OR7E24: variants seen among roughly 807,000 people sequenced by gnomAD.
OR7E24 encodes olfactory receptor family 7 subfamily E member 24.
For missense variants in OR7E24, 385 were observed against 410.3 expected, an observed-to-expected ratio of 0.94 and a Z score of 0.53; for synonymous variants, 130 against 157.5, an observed-to-expected ratio of 0.83 and a Z score of 1.31.
chr19:9,231,254 A>G, the OR7E24 span, among the ~76,000 whole-genome samples: 1 of 151,850 alleles, frequency 6.6e-6, no homozygotes, highest in Non-Finnish European at 1.5e-5. Flanking sequence ...AATATGGACT[A>G]TGCTGTTGGC....
the OR7E24 span, chr19:9,235,134 C>A: frequency 2.0e-6 from 2 of 984,716 alleles, no homozygotes; most frequent in Non-Finnish European, 3.1e-6. Flanking sequence ...CCAGTAGACA[C>A]AACAGCTACA....
chr19:9,237,503 G>T, the OR7E24 span, among the ~76,000 whole-genome samples: 3 of 151,732 alleles, frequency 2.0e-5, no homozygotes, highest in African/African-American at 7.3e-5. Flanking sequence ...TTTTAGTAGA[G>T]ACGGGGTTTC....
upstream of OR7E24, chr19:9,247,512 A>T (rs1568335296): frequency 2.5e-6 from 1 of 398,634 alleles, no homozygotes; most frequent in Non-Finnish European, 4.4e-6. Flanking sequence ...GGGGAAGCGC[A>T]GCTCAGTGAG....
chr19:9,235,142 A>G, the OR7E24 span: 4 of 1,044,848 alleles, frequency 3.8e-6, no homozygotes, highest in Non-Finnish European at 5.7e-6. Flanking sequence ...CACAACAGCT[A>G]CATGGAAGCA....
chr19:9,241,888 T>C, the OR7E24 span, among the ~76,000 whole-genome samples: 2 of 152,220 alleles, frequency 1.3e-5, no homozygotes, highest in African/African-American at 4.8e-5. Context: ...TTGCTACATG[T>C]TTTTACTTTA....
chr19:9,214,351 T>C, the OR7E24 span: 2 of 1,613,992 alleles, frequency 1.2e-6, no homozygotes, highest in South Asian at 2.2e-5. Context: ...AACCTCTTCA[T>C]CAGTAGAATA....
chr19:9,227,584 TC>T, the OR7E24 span, among the ~76,000 whole-genome samples: 2 of 152,108 alleles, frequency 1.3e-5, no homozygotes, highest in Non-Finnish European at 2.9e-5. Context: ...TACCACATTT[TC>T]TTTATCCAGT....
At chr19:9,233,938 C>G in the OR7E24 span, among the ~76,000 whole-genome samples, 1 of 149,888 alleles carries the variant, frequency 6.7e-6, no homozygotes, top group East Asian at 2.0e-4. Context: ...GAGTCTCACT[C>G]TGTCACCCAG....
At chr19:9,214,851 C>T in the OR7E24 span, 1 of 1,555,096 alleles carries the variant, frequency 6.4e-7, no homozygotes, top group Non-Finnish European at 8.7e-7. Flanking sequence ...GCTGTTGTGT[C>T]TGCTGGGGAA....
chr19:9,232,942 C>G, the OR7E24 span, among the ~76,000 whole-genome samples: 2 of 152,178 alleles, frequency 1.3e-5, no homozygotes, highest in East Asian at 1.9e-4. Context: ...ATGAGATGCA[C>G]TCATGTAGAA....
chr19:9,236,113 TATGGGTCCCTTAAGCAA>T, the OR7E24 span: 1 of 1,149,680 alleles, frequency 8.7e-7, no homozygotes, highest in Non-Finnish European at 1.3e-6. Context: ...AAGAGGATGC[TATGGGTCCCTTAAGCAA>T]ATGTGAATGC....
chr19:9,212,257 T>C, the OR7E24 span: 3 of 152,202 alleles, frequency 2.0e-5, no homozygotes, highest in Non-Finnish European at 4.4e-5. Context: ...TTTTATGTTT[T>C]AGACAGAGTC....
At chr19:9,214,240 A>G in the OR7E24 span, 4 of 1,614,062 alleles carry the variant, frequency 2.5e-6, no homozygotes, top group South Asian at 1.1e-5. Context: ...GTGGCCACAT[A>G]CAAGACAATG....
the OR7E24 span, chr19:9,214,066 C>T: frequency 6.2e-7 from 1 of 1,614,014 alleles, no homozygotes; most frequent in African/African-American, 1.3e-5. Context: ...CTCAGATAGA[C>T]CCCAAGTCCT....
At chr19:9,206,645 T>C in the OR7E24 span, 1 of 152,188 alleles carries the variant, frequency 6.6e-6, no homozygotes, top group Admixed American at 6.5e-5. Flanking sequence ...AGTCCATTAG[T>C]TATATTGTTG....
chr19:9,241,069 G>A, the OR7E24 span, among the ~76,000 whole-genome samples: 17 of 152,194 alleles, frequency 1.1e-4, no homozygotes, highest in African/African-American at 3.4e-4. Context: ...CACCCGCCTC[G>A]GCCACCCAAA....
chr19:9,236,140 C>A, the OR7E24 span: 2 of 859,766 alleles, frequency 2.3e-6, no homozygotes, highest in Non-Finnish European at 3.7e-6. Context: ...AATGTGAATG[C>A]GCATATCCTA....
chr19:9,241,376 A>T, the OR7E24 span, among the ~76,000 whole-genome samples: 2 of 152,212 alleles, frequency 1.3e-5, no homozygotes, highest in African/African-American at 4.8e-5. Flanking sequence ...GCTCATGAAC[A>T]TTCAGTTCCT....
chr19:9,238,560 C>A, the OR7E24 span, among the ~76,000 whole-genome samples: 1 of 152,096 alleles, frequency 6.6e-6, no homozygotes, highest in South Asian at 2.1e-4. Context: ...TGTTATCTTT[C>A]CGTTTTTTGA....
Sources: gnomAD v4.1 joint callset for allele counts (sites outside exome capture counted in the v4.1 genomes callset) on GRCh38, gnomAD v4.1.1 for gene constraint, MANE v1.5 for transcripts, NCBI Gene and HGNC (gene_info 2026-07-23, HGNC 2026-07-21) for gene names.